The following DLGAP1 variants were observed in gnomAD, a reference collection of about 807,000 sequenced individuals.
DLGAP1 encodes the protein DLG associated protein 1.
Under a neutral mutation model 90.8 loss-of-function variants are expected in DLGAP1, and 11 were observed. The ratio of observed to expected loss-of-function variants is 0.12; its 90% CI spans 0.08 to 0.20. The LOEUF (loss-of-function observed/expected upper bound fraction) is 0.20, where lower values mean the gene tolerates loss of function less well. Ranked by LOEUF, DLGAP1 falls within the 10% of genes least tolerant of loss-of-function variation. The pLI is 1.00. For synonymous variants in DLGAP1, 558 were observed against 540.7 expected (o/e 1.03, Z -0.44); for missense variants, 1,050 against 1,333.8 (o/e 0.79, Z 3.31).
At chr18:4,333,486 G>A (rs1598920458) in intron 1 of DLGAP1, among the ~76,000 whole-genome samples, 1 of 151,468 alleles carries the variant, frequency 6.6e-6, no homozygotes, top group Non-Finnish European at 1.5e-5. Context: ...TATCAATAGA[G>A]AGAGAGAAAT....
chr18:3,854,986 T>C (rs188222126), intron 4 of DLGAP1, among the ~76,000 whole-genome samples: 10 of 152,284 alleles, frequency 6.6e-5, no homozygotes, highest in African/African-American at 2.4e-4. Context: ...AGTCCTGTTC[T>C]TAAAGAATTG....
intron 1 of DLGAP1, among the ~76,000 whole-genome samples, chr18:4,332,406 T>A (rs900961893): frequency 6.6e-6 from 1 of 151,948 alleles, no homozygotes; most frequent in African/African-American, 2.4e-5. Flanking sequence ...AGAAAAGATT[T>A]TTTTAAAAGA....
chr18:3,864,884 G>A (rs978477187), intron 4 of DLGAP1, among the ~76,000 whole-genome samples: 1 of 151,980 alleles, frequency 6.6e-6, no homozygotes, highest in Admixed American at 6.6e-5. Context: ...CATTCTAAGG[G>A]TAGATCTTTA....
At chr18:4,366,322 T>C (rs1183894066) in intron 1 of DLGAP1, among the ~76,000 whole-genome samples, 1 of 152,138 alleles carries the variant, frequency 6.6e-6, no homozygotes, top group Non-Finnish European at 1.5e-5. Flanking sequence ...AGTTGGGGAA[T>C]TGAATTTTTC....
At chr18:4,282,663 T>G (rs2079582148) in intron 1 of DLGAP1, among the ~76,000 whole-genome samples, 1 of 152,184 alleles carries the variant, frequency 6.6e-6, no homozygotes, top group South Asian at 2.1e-4. Flanking sequence ...CATTAACAAA[T>G]TTTTATATCT....
intron 3 of DLGAP1, chr18:3,984,112 T>A (rs897228369): frequency 6.6e-6 from 1 of 152,100 alleles, no homozygotes; most frequent in Non-Finnish European, 1.5e-5. Context: ...AAAAAAATAA[T>A]CAGAAAATCC....
In DLGAP1 at chr18:4,105,866, T is replaced by C. The variant is rs1482766878; in HGVS notation, c.-159+45314A>G. Among the ~76,000 whole-genome samples the C allele has an allele frequency of 2.0e-5, 3 of 151,268 alleles. No homozygotes were observed. The East Asian group carries it at 5.9e-4, about 30-fold the overall frequency. ...TAACACGGTGAAACCCCGTCTCTAC[T>C]AAAAATACAAAAAAAATTAGCCGGG... On this transcript the variant is annotated intron_variant, in intron 2 of 12. Transcript: ENST00000315677.
At chr18:3,971,624 T>G (rs1419499041) in intron 3 of DLGAP1, among the ~76,000 whole-genome samples, 1 of 152,190 alleles carries the variant, frequency 6.6e-6, no homozygotes, top group Non-Finnish European at 1.5e-5. Context: ...TTCCAAGACT[T>G]AACTTTTAAG....
At chr18:4,097,648 T>C (rs535978219) in intron 2 of DLGAP1, among the ~76,000 whole-genome samples, 1 of 152,196 alleles carries the variant, frequency 6.6e-6, no homozygotes, top group Admixed American at 6.5e-5. Context: ...CCAATACAGA[T>C]AAATCCCAGT....
At chr18:4,096,244 C>T (rs1248246756) in intron 2 of DLGAP1, among the ~76,000 whole-genome samples, 1 of 152,042 alleles carries the variant, frequency 6.6e-6, no homozygotes, top group Non-Finnish European at 1.5e-5. Flanking sequence ...AGGCAGGTCT[C>T]GAACTCCTGG....
chr18:3,890,496 C>T (rs2071431573), intron 3 of DLGAP1, among the ~76,000 whole-genome samples: 1 of 152,180 alleles, frequency 6.6e-6, no homozygotes, highest in Non-Finnish European at 1.5e-5. Context: ...CTTCTGTCTT[C>T]CCATCATTTT....
intron 1 of DLGAP1, among the ~76,000 whole-genome samples, chr18:4,223,751 C>T (rs2078128150): frequency 1.3e-5 from 2 of 152,138 alleles, no homozygotes; most frequent in South Asian, 4.1e-4. Context: ...GTGTCAGACT[C>T]ACTTTTTTCA....
intron 1 of DLGAP1, among the ~76,000 whole-genome samples, chr18:4,185,937 G>T (rs529108659): frequency 6.6e-6 from 1 of 151,974 alleles, no homozygotes; most frequent in African/African-American, 2.4e-5. Flanking sequence ...CTGCAACCTC[G>T]CCAGCATTTG....
At chr18:4,031,923 G>A (rs953737008) in intron 2 of DLGAP1, among the ~76,000 whole-genome samples, 5 of 152,152 alleles carry the variant, frequency 3.3e-5, no homozygotes, top group Admixed American at 2.6e-4. Flanking sequence ...CACATGTGGT[G>A]GCTATGGTCA....
intron 1 of DLGAP1, among the ~76,000 whole-genome samples, chr18:4,417,244 T>C (rs1312387887): frequency 1.3e-5 from 2 of 152,168 alleles, no homozygotes; most frequent in Non-Finnish European, 2.9e-5. Context: ...TAAACAGATT[T>C]GGAAAATTAT....
chr18:3,757,046 A>T (rs1342790236), intron 5 of DLGAP1, among the ~76,000 whole-genome samples: 1 of 152,216 alleles, frequency 6.6e-6, no homozygotes, highest in African/African-American at 2.4e-5. Flanking sequence ...CCTTCCAGAA[A>T]ATAGAGGAAG....
chr18:3,750,140 G>A (rs2063439052), intron 5 of DLGAP1, among the ~76,000 whole-genome samples: 2 of 152,098 alleles, frequency 1.3e-5, no homozygotes, highest in South Asian at 2.1e-4. Flanking sequence ...CCCCTCTCTA[G>A]TAGTCCCCAG....
chr18:4,228,155 G>A (rs1031972226), intron 1 of DLGAP1, among the ~76,000 whole-genome samples: 8 of 151,710 alleles, frequency 5.3e-5, no homozygotes, highest in South Asian at 4.2e-4. Flanking sequence ...ATTGAGCCAC[G>A]AAAAAATCCA....
At chr18:3,990,033 TG>T (rs2073929842) in intron 3 of DLGAP1, among the ~76,000 whole-genome samples, 1 of 152,240 alleles carries the variant, frequency 6.6e-6, no homozygotes, top group East Asian at 1.9e-4. Flanking sequence ...ACACTGTTGG[TG>T]GGACTGTAAA....
Sources: gnomAD v4.1 joint callset for allele counts (sites outside exome capture counted in the v4.1 genomes callset) on GRCh38, gnomAD v4.1.1 for gene constraint, MANE v1.5 for transcripts, NCBI Gene and HGNC (gene_info 2026-07-23, HGNC 2026-07-21) for gene names.